Variants in CNTNAP5 observed in about 807,000 individuals in gnomAD.
The protein encoded by CNTNAP5 is contactin associated protein family member 5.
In CNTNAP5, 72 loss-of-function variants were observed where a neutral mutation model predicts 150.2. The ratio of observed to expected loss-of-function variants is 0.48; its 90% CI spans 0.40 to 0.58. The LOEUF is 0.58. Ranked by LOEUF, CNTNAP5 falls within the 20% of genes least tolerant of loss-of-function variation. The probability of loss-of-function intolerance (pLI) is 0.00; values close to 1 mark genes in which losing one functional copy is unlikely to be tolerated. For synonymous variants in CNTNAP5, 672 were observed against 619.8 expected, an observed-to-expected ratio of 1.08 and a Z score of -1.25; for missense variants, 1,636 against 1,626.2, an observed-to-expected ratio of 1.01 and a Z score of -0.10.
chr2:124,451,079 C>CACACAA, intron 6 of CNTNAP5, among the ~76,000 whole-genome samples: 1 of 94,952 alleles, frequency 1.1e-5, no homozygotes, highest in South Asian at 3.7e-4. Flanking sequence ...TATATATATA[C>CACACAA]ACACACACAC....
At chr2:124,734,927 T>C (rs1680351324) in intron 13 of CNTNAP5, among the ~76,000 whole-genome samples, 1 of 152,188 alleles carries the variant, frequency 6.6e-6, no homozygotes, top group African/African-American at 2.4e-5. Flanking sequence ...TTTAGGTGTG[T>C]AAACTTGAGT....
chr2:124,579,293 A>T (rs1323666966), intron 11 of CNTNAP5, among the ~76,000 whole-genome samples: 4 of 152,358 alleles, frequency 2.6e-5, no homozygotes, highest in South Asian at 4.1e-4. Flanking sequence ...ATTGTAAAGG[A>T]TATGGTTACA....
intron 7 of CNTNAP5, among the ~76,000 whole-genome samples, chr2:124,484,359 GGAAATA>G (rs1242070652): frequency 6.6e-6 from 1 of 152,154 alleles, no homozygotes; most frequent in Non-Finnish European, 1.5e-5. Flanking sequence ...TATACGGTCA[GGAAATA>G]TATATGGATG....
chr2:124,092,853 A>G (rs1682847308), intron 1 of CNTNAP5, among the ~76,000 whole-genome samples: 1 of 152,190 alleles, frequency 6.6e-6, no homozygotes, highest in Admixed American at 6.5e-5. Flanking sequence ...ACAATAATAA[A>G]TACATGATAA....
At chr2:124,787,954 C>T (rs951983292) in intron 17 of CNTNAP5, among the ~76,000 whole-genome samples, 20 of 152,148 alleles carry the variant, frequency 1.3e-4, no homozygotes, top group African/African-American at 3.6e-4. Context: ...GTACAGAAAA[C>T]GAATGACAAG....
At chr2:124,433,714 G>A (rs1370656795) in intron 4 of CNTNAP5, among the ~76,000 whole-genome samples, 7 of 151,602 alleles carry the variant, frequency 4.6e-5, no homozygotes, top group Admixed American at 1.3e-4. Flanking sequence ...AAAAAAACCC[G>A]CAAAAATAAC....
intron 21 of CNTNAP5, among the ~76,000 whole-genome samples, chr2:124,896,948 C>T (rs574702511): frequency 3.3e-5 from 5 of 151,634 alleles, no homozygotes; most frequent in South Asian, 2.1e-4. Context: ...TTAAACGTGA[C>T]GCACTACTTC....
chr2:124,191,742 T>G (rs1333870073), intron 1 of CNTNAP5, among the ~76,000 whole-genome samples: 1 of 151,810 alleles, frequency 6.6e-6, no homozygotes, highest in African/African-American at 2.4e-5. Flanking sequence ...TGGTGAAACC[T>G]CATCTCTACT....
At chr2:124,173,029 T>C (rs141476422) in intron 1 of CNTNAP5, among the ~76,000 whole-genome samples, 1 of 152,288 alleles carries the variant, frequency 6.6e-6, no homozygotes, top group African/African-American at 2.4e-5. Flanking sequence ...TTTCACACAG[T>C]TATTATTATA....
rs575406290 is a variant in CNTNAP5, at chr2:124,413,909, A to G, written c.382-3534A>G. On this transcript the variant is annotated intron_variant, in intron 3 of 23. Coordinates refer to ENST00000682447, the MANE Select transcript of CNTNAP5 (RefSeq NM_001367498.1). ...AATAAATAAATAAATAAATTAAAAAAAAAGAACTTCGGAGAATAGCCTTAA... is the reference window on the plus strand; with the variant it reads ...AATAAATAAATAAATAAATTAAAAAGAAAGAACTTCGGAGAATAGCCTTAA... Among the ~76,000 whole-genome samples, 198 of 151,724 alleles carry G rather than the reference A, an allele frequency of 1.3e-3. 2 individuals carry two copies. Among genetic ancestry groups the G allele is most frequent in the South Asian group, 4.4e-3 (21 of 4,810 alleles).
rs953062822 is a variant in CNTNAP5, at chr2:124,823,337, G to A, written c.3217+25017G>A. Among the ~76,000 whole-genome samples, 7 of 152,192 alleles carry A rather than the reference G, an allele frequency of 4.6e-5. 1 individual carries two copies. The South Asian group carries it at 6.2e-4, about 14-fold the overall frequency. ...ATTCACTATATATTTACAAACTATC[G>A]TGTTGGATGTCGAGATCTCTTTCTA... On this transcript the variant is annotated intron_variant, in intron 19 of 23. Coordinates refer to ENST00000682447, the MANE Select transcript of CNTNAP5 (RefSeq NM_001367498.1).
intron 12 of CNTNAP5, among the ~76,000 whole-genome samples, chr2:124,620,694 G>A (rs1372551896): frequency 6.6e-6 from 1 of 150,990 alleles, no homozygotes; most frequent in Non-Finnish European, 1.5e-5. Flanking sequence ...TTGGTGACAT[G>A]TAAGATTGTG....
At chr2:124,241,059 A>G (rs935610572) in intron 2 of CNTNAP5, among the ~76,000 whole-genome samples, 2 of 152,200 alleles carry the variant, frequency 1.3e-5, no homozygotes, top group African/African-American at 4.8e-5. Context: ...AGTTGCTTCT[A>G]TGCTATCTCT....
intron 12 of CNTNAP5, among the ~76,000 whole-genome samples, chr2:124,641,126 C>CAAA (rs78602781): frequency 3.0e-5 from 3 of 98,502 alleles, no homozygotes; most frequent in African/African-American, 8.4e-5. Flanking sequence ...AACTCCATCT[C>CAAA]AAAAAAAAAA....
intron 10 of CNTNAP5, among the ~76,000 whole-genome samples, chr2:124,550,627 G>A (rs970345778): frequency 5.3e-5 from 8 of 152,118 alleles, no homozygotes; most frequent in Non-Finnish European, 1.2e-4. Flanking sequence ...TAGATGTGAG[G>A]TGGACTAACC....
intron 6 of CNTNAP5, among the ~76,000 whole-genome samples, chr2:124,471,916 G>T (rs918694836): frequency 3.9e-5 from 6 of 152,002 alleles, no homozygotes; most frequent in African/African-American, 1.4e-4. Flanking sequence ...TTTGAAAACA[G>T]CAATAAATCA....
rs1196163167 is a variant in CNTNAP5 at position 124,425,578 on chromosome 2, A to G, written c.529+7988A>G. Among the ~76,000 whole-genome samples the G allele has an allele frequency of 2.6e-5, 4 of 152,174 alleles. No homozygotes were observed. In the East Asian group the frequency reaches 7.7e-4, roughly 29 times the overall value. On this transcript the variant is annotated intron_variant, in intron 4 of 23. Transcript: ENST00000682447. ...TTAGTGGAGTGATCACTATCTTCTC[A>G]CTGCCCACCATGCACCTCTTACTTA... is the stretch of plus-strand genomic sequence containing the variant.
chr2:124,086,404 C>T (rs1361515961), intron 1 of CNTNAP5, among the ~76,000 whole-genome samples: 4 of 151,354 alleles, frequency 2.6e-5, no homozygotes, highest in Middle Eastern at 3.2e-3. Context: ...GGGGTTTCAT[C>T]GTGTTAGCCA....
chr2:124,691,243 AG>A (rs1431727841), intron 13 of CNTNAP5, among the ~76,000 whole-genome samples: 1 of 152,116 alleles, frequency 6.6e-6, no homozygotes, highest in African/African-American at 2.4e-5. Flanking sequence ...TTCTGGGTGT[AG>A]GGGTTTTATG....
Sources: allele counts gnomAD v4.1 joint callset (sites outside exome capture counted in the v4.1 genomes callset), GRCh38; gene constraint gnomAD v4.1.1; transcripts MANE v1.5; gene names NCBI Gene and HGNC (gene_info 2026-07-23, HGNC 2026-07-21).